SEMA6D: variants seen among roughly 807,000 people sequenced by gnomAD.
The protein encoded by SEMA6D is semaphorin-6D.
SEMA6D carries 35 observed loss-of-function variants against 106.6 expected under a neutral mutation model. The observed-to-expected ratio is 0.33, with a 90% CI of 0.25 to 0.44. The LOEUF is 0.44. Among genes scored for constraint, SEMA6D ranks in the 20% least tolerant of loss-of-function variants. The pLI is 1.00. For synonymous variants in SEMA6D, 499 were observed against 487.7 expected (o/e 1.02, Z -0.31); for missense variants, 1,185 against 1,345.9 (o/e 0.88, Z 1.87).
At chr15:47,270,714 C>G (rs1362259023) in intron 1 of SEMA6D, among the ~76,000 whole-genome samples, 2 of 152,016 alleles carry the variant, frequency 1.3e-5, no homozygotes, top group African/African-American at 4.8e-5. Context: ...ATATTACAGG[C>G]CGAACGCGGT....
At chr15:47,185,884 A>G (rs1893531536) in intron 1 of SEMA6D, 1 of 152,104 alleles carries the variant, frequency 6.6e-6, no homozygotes. Context: ...GCTGGGAAAA[A>G]AATGCTCTTT....
At chr15:47,246,027 C>G (rs143751077) in intron 1 of SEMA6D, among the ~76,000 whole-genome samples, 2 of 152,096 alleles carry the variant, frequency 1.3e-5, no homozygotes, top group African/African-American at 4.8e-5. Flanking sequence ...CCCTGTCTTT[C>G]GGATATATGC....
At chr15:47,627,159 C>A (rs1163915739) in intron 4 of SEMA6D, among the ~76,000 whole-genome samples, 1 of 152,106 alleles carries the variant, frequency 6.6e-6, no homozygotes, top group Non-Finnish European at 1.5e-5. Context: ...CATCTTCTCC[C>A]AACCTGGTAA....
intron 1 of SEMA6D, among the ~76,000 whole-genome samples, chr15:47,201,529 A>G (rs1894724603): frequency 6.6e-6 from 1 of 152,212 alleles, no homozygotes; most frequent in African/African-American, 2.4e-5. Flanking sequence ...ATTCAATATC[A>G]GTAGAAGTTT....
intron 3 of SEMA6D, among the ~76,000 whole-genome samples, chr15:47,589,423 T>C (rs1477693182): frequency 2.0e-5 from 3 of 152,240 alleles, no homozygotes; most frequent in Admixed American, 2.0e-4. Context: ...CCCTGCTGAC[T>C]CTGAGTGTGA....
chr15:47,650,460 A>G (rs1395779415), intron 4 of SEMA6D, among the ~76,000 whole-genome samples: 1 of 152,208 alleles, frequency 6.6e-6, no homozygotes, highest in East Asian at 1.9e-4. Context: ...CTATATAAAT[A>G]CTAACATTAC....
chr15:47,712,117 A>G (rs1045156200), intron 4 of SEMA6D, among the ~76,000 whole-genome samples: 2 of 152,254 alleles, frequency 1.3e-5, no homozygotes, highest in Non-Finnish European at 2.9e-5. Flanking sequence ...TATATAATAT[A>G]CAGAGGTTTA....
chr15:47,306,525 C>G (rs2036240062), intron 1 of SEMA6D, among the ~76,000 whole-genome samples: 1 of 152,054 alleles, frequency 6.6e-6, no homozygotes, highest in Non-Finnish European at 1.5e-5. Flanking sequence ...AGTTCAAGAC[C>G]AGCCTGGCCA....
chr15:47,702,517 G>T (rs2145930084), intron 4 of SEMA6D, among the ~76,000 whole-genome samples: 1 of 152,286 alleles, frequency 6.6e-6, no homozygotes, highest in East Asian at 1.9e-4. Flanking sequence ...GCACATTTTA[G>T]TATTTACCCA....
chr15:47,671,661 A>G (rs2078140093), intron 4 of SEMA6D, among the ~76,000 whole-genome samples: 2 of 152,136 alleles, frequency 1.3e-5, no homozygotes, highest in African/African-American at 4.8e-5. Flanking sequence ...ACCACAAAGG[A>G]TGGATTGAAA....
chr15:47,199,929 C>T (rs1309268165), intron 1 of SEMA6D, among the ~76,000 whole-genome samples: 1 of 152,084 alleles, frequency 6.6e-6, no homozygotes, highest in Non-Finnish European at 1.5e-5. Context: ...ATGAAAGTTA[C>T]TATTATTAAT....
intron 2 of SEMA6D, among the ~76,000 whole-genome samples, chr15:47,420,887 G>C (rs2041130430): frequency 6.6e-6 from 1 of 152,044 alleles, no homozygotes. Flanking sequence ...ACAAAAAAAT[G>C]TACATATGAA....
chr15:47,401,965 C>A (rs1487161923), intron 1 of SEMA6D, among the ~76,000 whole-genome samples: 1 of 152,094 alleles, frequency 6.6e-6, no homozygotes, highest in African/African-American at 2.4e-5. Context: ...GCCTCCCAAG[C>A]CAGAATTGGT....
At chr15:47,343,885 T>C (rs2037933932) in intron 1 of SEMA6D, among the ~76,000 whole-genome samples, 1 of 151,954 alleles carries the variant, frequency 6.6e-6, no homozygotes, top group Admixed American at 6.6e-5. Context: ...CTCAAACAAA[T>C]TTACAAGAAA....
chr15:47,377,736 G>T (rs543788761), intron 1 of SEMA6D, among the ~76,000 whole-genome samples: 14 of 152,262 alleles, frequency 9.2e-5, no homozygotes, highest in Admixed American at 4.6e-4. Context: ...TAGGAAGTAA[G>T]TGTAATCTTA....
In SEMA6D at chr15:47,212,982, A is replaced by G. The variant is rs1426455579; in HGVS notation, c.-239+28564A>G. ...CTCTAGCACTATTCCTGTCTCATAT[A>G]TTCTTCCTTTCCCTCCTTTTTGGAA... On this transcript the variant is annotated intron_variant, in intron 1 of 19. Coordinates refer to the SEMA6D transcript ENST00000558014. 2.0e-5 allele frequency among the ~76,000 whole-genome samples: 3 copies of G among 152,296 alleles called. No individual in the cohort carries two copies. The East Asian group carries it at 5.8e-4, about 29-fold the overall frequency.
At chr15:47,759,057 G>T (rs1952036896) in intron 1 of SEMA6D, among the ~76,000 whole-genome samples, 1 of 152,120 alleles carries the variant, frequency 6.6e-6, no homozygotes, top group South Asian at 2.1e-4. Flanking sequence ...TGGTGGCCTG[G>T]TGTCAGCTGT....
At chr15:47,372,874 T>C (rs150724526) in intron 1 of SEMA6D, among the ~76,000 whole-genome samples, 1 of 152,314 alleles carries the variant, frequency 6.6e-6, no homozygotes, top group African/African-American at 2.4e-5. Context: ...CAGGGTCATT[T>C]TCAGGCTTAA....
chr15:47,514,659 C>A (rs2044332350), intron 3 of SEMA6D, among the ~76,000 whole-genome samples: 1 of 152,206 alleles, frequency 6.6e-6, no homozygotes, highest in Admixed American at 6.5e-5. Flanking sequence ...CTAATACTTT[C>A]TTGACCCAAG....
Sources: allele counts gnomAD v4.1 joint callset (sites outside exome capture counted in the v4.1 genomes callset), GRCh38; gene constraint gnomAD v4.1.1; transcripts MANE v1.5; gene names NCBI Gene and HGNC (gene_info 2026-07-23, HGNC 2026-07-21).